ADCY9: variants seen among roughly 807,000 people sequenced by gnomAD.
ADCY9 encodes adenylate cyclase type 9.
A neutral mutation model predicts 101.5 loss-of-function variants in ADCY9; 50 were observed. That is an observed-to-expected ratio of 0.49 (90% CI 0.39 to 0.62). The LOEUF is 0.62. Ranked by LOEUF, ADCY9 falls within the 20% of genes least tolerant of loss-of-function variation. The pLI, the probability that ADCY9 is intolerant of heterozygous loss-of-function variation, is 0.00. For missense variants in ADCY9, 1,662 were observed against 1,800.4 expected, an observed-to-expected ratio of 0.92 and a Z score of 1.39; for synonymous variants, 905 against 769.3, an observed-to-expected ratio of 1.18 and a Z score of -2.92.
intron 3 of ADCY9, among the ~76,000 whole-genome samples, chr16:4,004,800 G>A (rs1050568032): frequency 1.3e-5 from 2 of 152,166 alleles, no homozygotes; most frequent in East Asian, 1.9e-4. Context: ...TATCAGCTGC[G>A]GAGGCACGGG....
chr16:3,993,427 G>C lies in ADCY9; in HGVS notation c.1968C>G (p.Asp656Glu), dbSNP rs977346667. ...EGGAPQNGCQ[D>E]EHKNSTKASG... ...TTACCTTGGTGCTGTTTTTATGCTCGTCTTGGCAGCCGTTTTGAGGTGCTC... is the reference window on the plus strand; with the variant it reads ...TTACCTTGGTGCTGTTTTTATGCTCCTCTTGGCAGCCGTTTTGAGGTGCTC... Residue 656 changes from aspartate to glutamate, a missense_variant, in exon 4 of 11, where the codon GAC becomes GAG. Transcript: ENST00000294016. The C allele has an allele frequency of 6.2e-7, 1 of 1,614,138 alleles. No individual in the cohort carries two copies. The highest frequency in any genetic ancestry group is 1.7e-5 in the Admixed American group (1 of 60,032).
chr16:4,082,052 T>G (rs2056906820), intron 2 of ADCY9, among the ~76,000 whole-genome samples: 1 of 152,016 alleles, frequency 6.6e-6, no homozygotes, highest in African/African-American at 2.4e-5. Flanking sequence ...AAGTTTCTCC[T>G]AGAACAAGCA....
At chr16:3,972,392 G>C (rs545844094) in intron 10 of ADCY9, among the ~76,000 whole-genome samples, 190 of 152,022 alleles carry the variant, frequency 1.2e-3, no homozygotes, top group Admixed American at 3.9e-3. Context: ...ACCACGTCCA[G>C]CTAATTTTTG....
At chr16:4,065,350 G>A (rs1214285856) in intron 2 of ADCY9, among the ~76,000 whole-genome samples, 1 of 152,156 alleles carries the variant, frequency 6.6e-6, no homozygotes, top group African/African-American at 2.4e-5. Flanking sequence ...AGTAAGCCCT[G>A]TTTTCGTTTC....
At chr16:4,099,092 C>A (rs2057026600) in intron 2 of ADCY9, among the ~76,000 whole-genome samples, 1 of 151,938 alleles carries the variant, frequency 6.6e-6, no homozygotes. Flanking sequence ...GCCACGACAC[C>A]CGGCTAATTT....
chr16:4,113,722 G>A (rs878868296), intron 2 of ADCY9, 28 bp downstream of exon 2: 5 of 1,590,676 alleles, frequency 3.1e-6, no homozygotes, highest in Non-Finnish European at 4.3e-6. Flanking sequence ...CAGGGAGGGG[G>A]GATGCCGAGG....
At chr16:4,058,205 T>C (rs62036959) in intron 2 of ADCY9, among the ~76,000 whole-genome samples, 10,176 of 142,254 alleles carry the variant, frequency 0.072, 504 homozygotes, top group Middle Eastern at 0.14. Flanking sequence ...GGCTCATGCC[T>C]GTAATCCCAA....
At chr16:4,101,796 G>A (rs1008969539) in intron 2 of ADCY9, among the ~76,000 whole-genome samples, 2 of 152,164 alleles carry the variant, frequency 1.3e-5, no homozygotes, top group African/African-American at 4.8e-5. Flanking sequence ...GAGTTGCACA[G>A]CTGAAGATCT....
intron 3 of ADCY9, among the ~76,000 whole-genome samples, chr16:4,005,716 T>C (rs941932347): frequency 1.3e-5 from 2 of 152,204 alleles, no homozygotes; most frequent in Non-Finnish European, 2.9e-5. Context: ...CGTGAGCATG[T>C]GATATGGTGA....
At chr16:4,047,779 G>A (rs1056569890) in intron 2 of ADCY9, among the ~76,000 whole-genome samples, 1 of 152,182 alleles carries the variant, frequency 6.6e-6, no homozygotes, top group Non-Finnish European at 1.5e-5. Flanking sequence ...GGCTGATCTC[G>A]AACTCCTGAC....
chr16:4,041,531 G>GT (rs1459061904), intron 2 of ADCY9, among the ~76,000 whole-genome samples: 1 of 138,654 alleles, frequency 7.2e-6, no homozygotes, highest in African/African-American at 3.1e-5. Flanking sequence ...AAAAAAAAGA[G>GT]GCTCTTTCTA....
At chr16:3,977,658 C>A in intron 8 of ADCY9, 28 bp from the exon 9 acceptor site, 2 of 1,594,356 alleles carry the variant, frequency 1.3e-6, no homozygotes, top group Non-Finnish European at 1.7e-6. Flanking sequence ...TTAGGACAGC[C>A]GCCCAGGGCC....
chr16:3,989,167 T>G, intron 5 of ADCY9, 71 bp from the exon 6 acceptor site: 1 of 1,198,422 alleles, frequency 8.3e-7, no homozygotes, highest in South Asian at 1.2e-5. Context: ...CAGATCATAA[T>G]TAGCTACCAA....
intron 2 of ADCY9, among the ~76,000 whole-genome samples, chr16:4,076,236 C>T (rs1302082463): frequency 6.6e-6 from 1 of 152,148 alleles, no homozygotes; most frequent in Non-Finnish European, 1.5e-5. Flanking sequence ...AAAATTAGTG[C>T]CCAATTTCTC....
At chr16:4,059,627 G>C (rs1284631497) in intron 2 of ADCY9, among the ~76,000 whole-genome samples, 1 of 152,054 alleles carries the variant, frequency 6.6e-6, no homozygotes, top group Non-Finnish European at 1.5e-5. Flanking sequence ...GCTGGGCATG[G>C]TGGCTCCCAC....
Position 3,962,997 on chromosome 16 carries a change from G to A in ADCY9, c.*2778C>T, listed in dbSNP as rs1260996188. On this transcript the variant is annotated 3_prime_UTR_variant, in exon 11 of 11. Transcript: ENST00000294016. ...GTGACGTCAGTGTGGATGAAGTCACGGGTGTGGCAGAGCCTGTGGGGCTCT... is the reference window on the plus strand; with the variant it reads ...GTGACGTCAGTGTGGATGAAGTCACAGGTGTGGCAGAGCCTGTGGGGCTCT... 1.3e-5 allele frequency: 2 copies of A among 153,882 alleles called. No homozygotes were observed. The highest frequency in any genetic ancestry group is 2.1e-4 in the South Asian group (1 of 4,812). The allele number at this position is 153,882 out of a possible 1,614,324, so 9.5% of individuals were successfully genotyped here. A position where few individuals can be genotyped will look rare whatever the true frequency, so the allele number is the denominator to read the frequency against.
In ADCY9 at chr16:4,103,195, CAT is replaced by C. The variant is rs922811695; in HGVS notation, c.1693+10553_1693+10554del. Reference sequence around the variant, plus strand: ...ACTCCAATTGGCGTTGTTTCACACACATGAGAATGCGTGTTTGGGTGGCACAT... The same window carrying C: ...ACTCCAATTGGCGTTGTTTCACACACGAGAATGCGTGTTTGGGTGGCACAT... On this transcript the variant is annotated intron_variant, in intron 2 of 10. Transcript: ENST00000294016. 2.0e-4 allele frequency among the ~76,000 whole-genome samples: 30 copies of C among 152,230 alleles called. 1 individual carries two copies. The highest frequency in any genetic ancestry group is 6.3e-4 in the African/African-American group (26 of 41,456).
chr16:4,115,304 T>C lies in ADCY9; in HGVS notation c.139A>G (p.Lys47Glu). The C allele has an allele frequency of 6.2e-7, 1 of 1,613,818 alleles. No individual in the cohort carries two copies. Among genetic ancestry groups the C allele is most frequent in the East Asian group, 2.2e-5 (1 of 44,838 alleles). ...CTGCAGCTAGAGGAGATGCTGTATT[T>C]GCAGTGCTTGGGGTGGCTGTTGGAG... ...LSSNSHPKHC[K>E]YSISSSCSSS... The change falls in exon 2 of 11, where the codon AAA (lysine) becomes GAA (glutamate). Residue 47 changes from lysine (K) to glutamate (E), a missense_variant. Lys to Glu is a moderately conservative substitution (Grantham distance 56). Transcript: ENST00000294016. This position sits in a 1 kb window ranked among gnomAD's most constrained non-coding sequence, Gnocchi z 6.2.
chr16:4,087,498 T>G lies in ADCY9; in HGVS notation c.1693+26252A>C, dbSNP rs998395328. ...CTGTAGTGAGCTATGATCACATTGC[T>G]GCACTCCAGCCTGGGCAACAGAGCG... On this transcript the variant is annotated intron_variant, in intron 2 of 10. Transcript: ENST00000294016. Among the ~76,000 whole-genome samples, 3 of 148,584 alleles carry G rather than the reference T, an allele frequency of 2.0e-5. No individual in the cohort carries two copies. In the South Asian group the frequency reaches 6.4e-4, roughly 32 times the overall value.
Sources: allele counts gnomAD v4.1 joint callset (sites outside exome capture counted in the v4.1 genomes callset), GRCh38; gene constraint gnomAD v4.1.1; non-coding constraint Gnocchi (gnomAD v3.1); transcripts MANE v1.5; gene names NCBI Gene and HGNC (gene_info 2026-07-23, HGNC 2026-07-21).